The following PHACTR1 variants were observed in gnomAD, a reference collection of about 807,000 sequenced individuals.
PHACTR1 encodes RPEL repeat containing 1.
A neutral mutation model predicts 69.2 loss-of-function variants in PHACTR1; 16 were observed. The ratio of observed to expected loss-of-function variants is 0.23; its 90% CI spans 0.16 to 0.35. The LOEUF (loss-of-function observed/expected upper bound fraction) is 0.35, where lower values mean the gene tolerates loss of function less well. Among genes scored for constraint, PHACTR1 ranks in the 10% least tolerant of loss-of-function variants. The pLI, the probability that PHACTR1 is intolerant of heterozygous loss-of-function variation, is 1.00. For missense variants in PHACTR1, 510 were observed against 734.7 expected, an observed-to-expected ratio of 0.69 and a Z score of 3.54; for synonymous variants, 312 against 284.5, an observed-to-expected ratio of 1.10 and a Z score of -0.97.
chr6:12,915,803 A>G (rs1786922803), intron 4 of PHACTR1, among the ~76,000 whole-genome samples: 2 of 151,832 alleles, frequency 1.3e-5, no homozygotes, highest in Admixed American at 1.3e-4. Flanking sequence ...CACCCCTACC[A>G]CCTCTGAGTT....
intron 4 of PHACTR1, among the ~76,000 whole-genome samples, chr6:12,803,875 G>T (rs1456290079): frequency 6.6e-6 from 1 of 152,138 alleles, no homozygotes; most frequent in East Asian, 1.9e-4. Context: ...AGACAAAGTT[G>T]CCCCTCAACC....
At position 13,245,882 on chromosome 6, in the gene PHACTR1, C is replaced by T. The variant is rs973514804; in HGVS notation, c.1391+15689C>T. On this transcript the variant is annotated intron_variant, in intron 10 of 14. Transcript: ENST00000332995. This position sits in a 1 kb window ranked among gnomAD's most constrained non-coding sequence, Gnocchi z 4.1. ...CCCTGCATATAGCTAGCCAGTTATC[C>T]CAGTTCTTTGGTGAGTTTCTTCACC... Among the ~76,000 whole-genome samples the T allele has an allele frequency of 6.6e-6, 1 of 152,222 alleles. No individual in the cohort carries two copies. The highest frequency in any genetic ancestry group is 1.9e-4 in the East Asian group (1 of 5,190).
intron 4 of PHACTR1, among the ~76,000 whole-genome samples, chr6:12,831,444 A>G (rs1012605279): frequency 6.6e-6 from 1 of 152,224 alleles, no homozygotes; most frequent in African/African-American, 2.4e-5. Flanking sequence ...GGCTTAAAAT[A>G]GAAGAAAATG....
At chr6:12,776,658 G>A (rs1025606892) in intron 4 of PHACTR1, among the ~76,000 whole-genome samples, 2 of 152,202 alleles carry the variant, frequency 1.3e-5, no homozygotes, top group Non-Finnish European at 2.9e-5. Context: ...TAACGATTAA[G>A]CAGAATGGAT....
intron 4 of PHACTR1, among the ~76,000 whole-genome samples, chr6:12,958,741 G>A (rs1792232266): frequency 6.6e-6 from 1 of 152,132 alleles, no homozygotes; most frequent in Non-Finnish European, 1.5e-5. Context: ...ACAAAATATG[G>A]TGATGTTAGA....
chr6:13,066,405 T>G (rs763858673), intron 5 of PHACTR1, among the ~76,000 whole-genome samples: 1 of 152,230 alleles, frequency 6.6e-6, no homozygotes, highest in South Asian at 2.1e-4. Flanking sequence ...AGGGTACTTA[T>G]GGATGCGTAA....
At chr6:12,742,454 G>A (rs1269836312) in intron 3 of PHACTR1, among the ~76,000 whole-genome samples, 1 of 152,112 alleles carries the variant, frequency 6.6e-6, no homozygotes, top group Non-Finnish European at 1.5e-5. Context: ...CTTGGTTTTG[G>A]TGGGTTCTGG....
chr6:12,918,647 A>T (rs1787281868), intron 4 of PHACTR1, among the ~76,000 whole-genome samples: 1 of 152,224 alleles, frequency 6.6e-6, no homozygotes, highest in Non-Finnish European at 1.5e-5. Flanking sequence ...ACAATGTGTT[A>T]TATGTCATAG....
At chr6:13,086,083 T>TAAAAAAAAAAAAAA (rs776154642) in intron 5 of PHACTR1, among the ~76,000 whole-genome samples, 14 of 60,262 alleles carry the variant, frequency 2.3e-4, no homozygotes, top group African/African-American at 6.7e-4. Flanking sequence ...TACACATTTC[T>TAAAAAAAAAAAAAA]AAAAAAAAAA....
chr6:13,270,403 G>A (rs1562098497), intron 10 of PHACTR1, among the ~76,000 whole-genome samples: 1 of 152,056 alleles, frequency 6.6e-6, no homozygotes, highest in African/African-American at 2.4e-5. Flanking sequence ...CCACCCTCCT[G>A]CTTCCCAGCT....
At chr6:13,072,927 C>T (rs1352007175) in intron 5 of PHACTR1, among the ~76,000 whole-genome samples, 1 of 152,062 alleles carries the variant, frequency 6.6e-6, no homozygotes, top group Admixed American at 6.6e-5. Context: ...AGTGAGGAAT[C>T]AAGTAGGGAA....
intron 4 of PHACTR1, among the ~76,000 whole-genome samples, chr6:12,757,373 A>G (rs1164426617): frequency 6.6e-6 from 1 of 152,152 alleles, no homozygotes; most frequent in Non-Finnish European, 1.5e-5. Flanking sequence ...ACTAGAAAAG[A>G]TTTGGTGGAC....
chr6:12,788,030 C>T (rs1194151605), intron 4 of PHACTR1, among the ~76,000 whole-genome samples: 9 of 152,056 alleles, frequency 5.9e-5, no homozygotes, highest in East Asian at 1.9e-4. Context: ...TTGGAGCACT[C>T]GCCTGTAGTC....
At chr6:13,151,890 A>G (rs2113456523) in intron 5 of PHACTR1, among the ~76,000 whole-genome samples, 1 of 151,102 alleles carries the variant, frequency 6.6e-6, no homozygotes, top group Non-Finnish European at 1.5e-5. Context: ...TTTTTACAGT[A>G]AAATATTTTC....
At chr6:13,218,918 GGTAGAAA>G (rs1554163926) in intron 8 of PHACTR1, among the ~76,000 whole-genome samples, 1 of 146,912 alleles carries the variant, frequency 6.8e-6, no homozygotes, top group East Asian at 2.0e-4. Context: ...GAAGAGAAAA[GGTAGAAA>G]AAGGGAAAGG....
At chr6:13,281,290 ATATCTGT>A (rs1265243240) in intron 12 of PHACTR1, 1 of 397,628 alleles carries the variant, frequency 2.5e-6, no homozygotes, top group Non-Finnish European at 4.6e-6. Context: ...TCGGTGGCTC[ATATCTGT>A]AATCCCAGCA....
chr6:12,959,968 C>T (rs1792477801), intron 4 of PHACTR1, among the ~76,000 whole-genome samples: 2 of 152,094 alleles, frequency 1.3e-5, no homozygotes, highest in African/African-American at 4.8e-5. Flanking sequence ...TGGGATAGTC[C>T]AACATTTATG....
intron 3 of PHACTR1, among the ~76,000 whole-genome samples, chr6:12,740,797 G>A (rs1304723365): frequency 2.6e-5 from 4 of 151,790 alleles, no homozygotes; most frequent in Non-Finnish European, 5.9e-5. Context: ...AAAGATGCTT[G>A]TAATATTCTC....
chr6:13,186,212 AG>A (rs1484731050), intron 7 of PHACTR1, among the ~76,000 whole-genome samples: 1 of 152,206 alleles, frequency 6.6e-6, no homozygotes, highest in Admixed American at 6.5e-5. Flanking sequence ...AAAGGAGAAA[AG>A]GTCCCATAAG....
Sources: gnomAD v4.1 joint callset for allele counts (sites outside exome capture counted in the v4.1 genomes callset) on GRCh38, gnomAD v4.1.1 for gene constraint, Gnocchi (gnomAD v3.1) non-coding constraint, MANE v1.5 for transcripts, NCBI Gene and HGNC (gene_info 2026-07-23, HGNC 2026-07-21) for gene names.